The following LRP1B variants were observed in gnomAD, a reference collection of about 807,000 sequenced individuals.
LRP1B encodes the protein LDL receptor related protein 1B.
A neutral mutation model predicts 556.6 loss-of-function variants in LRP1B; 217 were observed. The observed-to-expected ratio is 0.39, with a 90% CI of 0.35 to 0.44. LRP1B has a LOEUF of 0.44. Among genes scored for constraint, LRP1B ranks in the 20% least tolerant of loss-of-function variants. LRP1B has a pLI of 1.00. For missense variants in LRP1B, 5,053 were observed against 5,620.8 expected (o/e 0.90, Z 3.23); for synonymous variants, 2,047 against 1,865.8 (o/e 1.10, Z -2.50).
chr2:141,203,023 A>T lies in LRP1B; in HGVS notation c.851-14440T>A, dbSNP rs74339554. Among the ~76,000 whole-genome samples, 1,019 of 152,230 alleles carry T rather than the reference A, an allele frequency of 6.7e-3. 17 individuals are homozygous for T. The highest frequency in any genetic ancestry group is 0.021 in the African/African-American group (892 of 41,530). ...TTGTCACCACCAGACCTGCCTTACA[A>T]GAGTTCCTGAAGGAAGCACTAAACA... On this transcript the variant is annotated intron_variant, in intron 6 of 90. Coordinates refer to ENST00000389484, the MANE Select transcript of LRP1B (RefSeq NM_018557.3).
At chr2:141,881,317 A>G (rs1160140145) in intron 1 of LRP1B, among the ~76,000 whole-genome samples, 1 of 152,158 alleles carries the variant, frequency 6.6e-6, no homozygotes, top group African/African-American at 2.4e-5. Flanking sequence ...CTGATGGAAG[A>G]CTTAAAATAT....
At chr2:140,651,573 G>C (rs1407040968) in intron 41 of LRP1B, among the ~76,000 whole-genome samples, 2 of 149,486 alleles carry the variant, frequency 1.3e-5, no homozygotes, top group Non-Finnish European at 3.0e-5. Flanking sequence ...ATCTTATGTA[G>C]GGAGATGCAG....
intron 2 of LRP1B, among the ~76,000 whole-genome samples, chr2:141,784,092 T>C (rs963758437): frequency 2.0e-5 from 3 of 151,962 alleles, no homozygotes; most frequent in Non-Finnish European, 4.4e-5. Flanking sequence ...TTAAAAGTGA[T>C]TATGTGTGGT....
intron 1 of LRP1B, among the ~76,000 whole-genome samples, chr2:141,850,754 A>G (rs998734024): frequency 6.6e-6 from 1 of 151,356 alleles, no homozygotes; most frequent in Non-Finnish European, 1.5e-5. Context: ...AGAGGCATCC[A>G]TTGCATACCT....
intron 3 of LRP1B, among the ~76,000 whole-genome samples, chr2:141,291,397 A>G (rs538295677): frequency 6.6e-6 from 1 of 152,320 alleles, no homozygotes; most frequent in African/African-American, 2.4e-5. Flanking sequence ...TTTTTTGAAC[A>G]AATTATTTCA....
intron 49 of LRP1B, among the ~76,000 whole-genome samples, chr2:140,520,987 A>T (rs1690145934): frequency 1.3e-5 from 2 of 151,684 alleles, no homozygotes; most frequent in Admixed American, 1.3e-4. Flanking sequence ...CTTCATATTA[A>T]TTTTTTTCAA....
chr2:140,640,271 G>A (rs764201705), intron 41 of LRP1B, among the ~76,000 whole-genome samples: 32 of 150,742 alleles, frequency 2.1e-4, no homozygotes, highest in Non-Finnish European at 4.4e-4. Flanking sequence ...GATTACAGGC[G>A]TGAGCCATCG....
intron 3 of LRP1B, among the ~76,000 whole-genome samples, chr2:141,355,921 T>C (rs753374486): frequency 2.0e-5 from 3 of 152,130 alleles, no homozygotes; most frequent in Non-Finnish European, 4.4e-5. Flanking sequence ...TTTTGACTGT[T>C]CATATTTTGA....
At chr2:140,529,954 A>T (rs1690614831) in intron 47 of LRP1B, among the ~76,000 whole-genome samples, 1 of 152,104 alleles carries the variant, frequency 6.6e-6, no homozygotes, top group South Asian at 2.1e-4. Context: ...AATTAAAAAA[A>T]ATGATGAAGA....
chr2:141,254,980 A>G (rs1374627696), intron 3 of LRP1B, among the ~76,000 whole-genome samples: 2 of 152,088 alleles, frequency 1.3e-5, no homozygotes, highest in Non-Finnish European at 2.9e-5. Flanking sequence ...TATCTGACAC[A>G]TCAATTGATT....
intron 3 of LRP1B, among the ~76,000 whole-genome samples, chr2:141,311,904 C>T (rs1286534856): frequency 2.0e-5 from 3 of 152,104 alleles, no homozygotes; most frequent in African/African-American, 7.2e-5. Flanking sequence ...GGAAATACCC[C>T]AAAATGTGGA....
chr2:141,796,493 A>G (rs1695815697), intron 2 of LRP1B, among the ~76,000 whole-genome samples: 1 of 152,106 alleles, frequency 6.6e-6, no homozygotes, highest in South Asian at 2.1e-4. Context: ...CTTTTAAAAA[A>G]AACTAGGACC....
intron 41 of LRP1B, among the ~76,000 whole-genome samples, chr2:140,653,083 T>C (rs933890943): frequency 6.6e-6 from 1 of 151,726 alleles, no homozygotes; most frequent in Non-Finnish European, 1.5e-5. Flanking sequence ...ATCAAGACAA[T>C]AGAAAGGATG....
chr2:142,083,325 T>G (rs1705790908), intron 1 of LRP1B, among the ~76,000 whole-genome samples: 1 of 152,192 alleles, frequency 6.6e-6, no homozygotes, highest in African/African-American at 2.4e-5. Flanking sequence ...CTTTCCTGAT[T>G]TTTCCTCAGC....
intron 1 of LRP1B, among the ~76,000 whole-genome samples, chr2:142,125,315 T>C (rs1288688745): frequency 1.3e-5 from 2 of 151,788 alleles, no homozygotes; most frequent in Non-Finnish European, 3.0e-5. Context: ...CATTCTCCTT[T>C]CTCTAAAATA....
Position 140,459,655 on chromosome 2 carries a change from T to A in LRP1B, c.9626-2004A>T, listed in dbSNP as rs145890938. Among the ~76,000 whole-genome samples, 12 of 152,316 alleles carry A rather than the reference T, an allele frequency of 7.9e-5. No individual in the cohort carries two copies. The East Asian group carries it at 2.3e-3, about 29-fold the overall frequency. On this transcript the variant is annotated intron_variant, in intron 60 of 90. Transcript: ENST00000389484. ...AGCGGGAGAGGCAATTTATATATTT[T>A]ATTTTATTTAATACTCTCAAAAACT...
At chr2:141,468,067 G>A (rs1682313867) in intron 3 of LRP1B, among the ~76,000 whole-genome samples, 1 of 152,006 alleles carries the variant, frequency 6.6e-6, no homozygotes, top group African/African-American at 2.4e-5. Context: ...TACATGGGAA[G>A]AAAAGACAAA....
At chr2:142,068,516 C>G (rs556570504) in intron 1 of LRP1B, among the ~76,000 whole-genome samples, 1 of 151,446 alleles carries the variant, frequency 6.6e-6, no homozygotes, top group African/African-American at 2.4e-5. Context: ...TGATAGGCTG[C>G]GTAGGGGTCA....
intron 2 of LRP1B, among the ~76,000 whole-genome samples, chr2:141,690,402 TATATATATATATATATATATATATA>T (rs1316610936): frequency 3.2e-5 from 1 of 30,986 alleles, no homozygotes; most frequent in Non-Finnish European, 7.3e-5. Context: ...TATAAATATA[TATATATATATATATATATATATATA>T]TATATATATA....
Sources: gnomAD v4.1 joint callset for allele counts (sites outside exome capture counted in the v4.1 genomes callset) on GRCh38, gnomAD v4.1.1 for gene constraint, MANE v1.5 for transcripts, NCBI Gene and HGNC (gene_info 2026-07-23, HGNC 2026-07-21) for gene names.